The following WARS2 variants were observed in gnomAD, a reference collection of about 807,000 sequenced individuals.
WARS2 encodes the protein tryptophan--tRNA ligase, mitochondrial.
Under a neutral mutation model 36.5 loss-of-function variants are expected in WARS2, and 28 were observed. That is an observed-to-expected ratio of 0.77 (90% CI 0.57 to 1.05). The LOEUF is 1.05. Ranked by LOEUF, WARS2 falls within the 50% of genes least tolerant of loss-of-function variation. The pLI is 0.00. For missense variants in WARS2, 435 were observed against 456.8 expected, an observed-to-expected ratio of 0.95 and a Z score of 0.44; for synonymous variants, 174 against 178.4, an observed-to-expected ratio of 0.98 and a Z score of 0.20.
chr1:119,049,272 C>T (rs1341548387), intron 2 of WARS2, among the ~76,000 whole-genome samples: 1 of 152,052 alleles, frequency 6.6e-6, no homozygotes, highest in East Asian at 1.9e-4. Context: ...CACCAAGCGG[C>T]CCAACTCCAG....
rs185290211 is a variant in WARS2, at chr1:119,103,834, G to A, written c.91-27227C>T. On this transcript the variant is annotated intron_variant, in intron 1 of 5. Transcript: ENST00000235521. The stretch of plus-strand genomic sequence containing the variant: ...TTAGGGCACATTTTTAAACAACATT[G>A]GGATCATATGTTACTCTGCACTTTA... 2.3e-3 allele frequency among the ~76,000 whole-genome samples: 346 copies of A among 151,068 alleles called. 1 individual carries two copies. Among genetic ancestry groups the A allele is most frequent in the African/African-American group, 7.8e-3 (321 of 41,246 alleles).
At chr1:119,119,070 A>T (rs1271146307) in intron 1 of WARS2, among the ~76,000 whole-genome samples, 5 of 152,302 alleles carry the variant, frequency 3.3e-5, no homozygotes, top group South Asian at 2.1e-4. Context: ...ACAGTACCTC[A>T]CATCTCAATA....
chr1:119,137,121 A>G (rs1656562196), intron 1 of WARS2, among the ~76,000 whole-genome samples: 1 of 152,212 alleles, frequency 6.6e-6, no homozygotes, highest in African/African-American at 2.4e-5. Flanking sequence ...AAAACTAGTG[A>G]AATTTGAACT....
At chr1:119,081,367 CT>C (rs1407967998) in intron 1 of WARS2, among the ~76,000 whole-genome samples, 3 of 152,214 alleles carry the variant, frequency 2.0e-5, no homozygotes, top group Non-Finnish European at 4.4e-5. Context: ...CTTTGAAACA[CT>C]TTCAGCTTCA....
chr1:119,085,817 C>T, intron 1 of WARS2: 9 of 1,610,042 alleles, frequency 5.6e-6, no homozygotes, highest in South Asian at 1.1e-5. Context: ...CTTCAGTCAG[C>T]TCATAAGGAA....
At chr1:119,140,437 C>G in intron 1 of WARS2, 118 bp downstream of exon 1, 2 of 874,452 alleles carry the variant, frequency 2.3e-6, no homozygotes, top group Non-Finnish European at 3.5e-6. Context: ...AGACCTTAGG[C>G]GAGGGAAGGC....
chr1:119,120,688 C>T (rs1175164316), intron 1 of WARS2, among the ~76,000 whole-genome samples: 1 of 152,000 alleles, frequency 6.6e-6, no homozygotes, highest in Non-Finnish European at 1.5e-5. Flanking sequence ...AAAAGATAAT[C>T]GACCATGATC....
intron 2 of WARS2, among the ~76,000 whole-genome samples, chr1:119,065,460 C>T (rs992457990): frequency 3.0e-4 from 45 of 151,630 alleles, no homozygotes; most frequent in Middle Eastern, 3.4e-3. Flanking sequence ...GACGAAACCC[C>T]GTCTCTACTA....
At position 119,032,849 on chromosome 1, in the gene WARS2, G is replaced by T. The variant is rs1647539033; in HGVS notation, c.*62C>A. The T allele has an allele frequency of 2.1e-6, 3 of 1,456,532 alleles. No individual in the cohort carries two copies. Among genetic ancestry groups the T allele is most frequent in the Non-Finnish European group, 2.8e-6 (3 of 1,073,614 alleles). 90.2% of individuals were successfully genotyped at this position (1,456,532 alleles called of 1,614,324 possible). A position where few individuals can be genotyped will look rare whatever the true frequency, so the allele number is the denominator to read the frequency against. ...ATAACTTTTTCTTTTTAGGAAAGCT[G>T]CCGTTATCAGAATGCATGGAGTGCA... On this transcript the variant is annotated 3_prime_UTR_variant, in exon 6 of 6. Coordinates refer to ENST00000235521, the MANE Select transcript of WARS2 (RefSeq NM_015836.4).
intron 2 of WARS2, among the ~76,000 whole-genome samples, chr1:119,055,924 T>G (rs879353286): frequency 6.6e-6 from 1 of 152,012 alleles, no homozygotes; most frequent in Non-Finnish European, 1.5e-5. Flanking sequence ...AAATTATTAG[T>G]TTACGGAATA....
rs150463397 is a variant in WARS2 at position 119,042,157 on chromosome 1, G to A, written c.515+107C>T. 1.6e-3 allele frequency: 1,493 copies of A among 943,226 alleles called. 1 individual carries two copies. The highest frequency in any genetic ancestry group is 2.2e-3 in the Non-Finnish European group (1,312 of 602,638). The allele number at this position is 943,226 out of a possible 1,614,324, so 58.4% of individuals were successfully genotyped here. ...ATATAAACTGATTCAGATGTCTGACGCTTTCTGCACTTCCCCTTGCCCATG... is the reference window on the plus strand; with the variant it reads ...ATATAAACTGATTCAGATGTCTGACACTTTCTGCACTTCCCCTTGCCCATG... On this transcript the variant is annotated intron_variant, in intron 4 of 5. Coordinates refer to ENST00000235521, the MANE Select transcript of WARS2 (RefSeq NM_015836.4).
chr1:119,038,703 TAG>T (rs745924216), intron 4 of WARS2, among the ~76,000 whole-genome samples: 1 of 152,144 alleles, frequency 6.6e-6, no homozygotes, highest in Non-Finnish European at 1.5e-5. Flanking sequence ...TTTTTTGAGA[TAG>T]AGTCTCACTC....
At chr1:119,061,554 C>T (rs548653471) in intron 2 of WARS2, among the ~76,000 whole-genome samples, 30 of 152,208 alleles carry the variant, frequency 2.0e-4, no homozygotes, top group Non-Finnish European at 3.1e-4. Flanking sequence ...GGAACATAGT[C>T]TCATGAAACT....
chr1:119,125,488 T>C (rs768202504), intron 1 of WARS2, among the ~76,000 whole-genome samples: 29 of 152,236 alleles, frequency 1.9e-4, no homozygotes, highest in Non-Finnish European at 3.4e-4. Context: ...ATATCTACCA[T>C]ATAATAAGTA....
At chr1:119,044,218 T>C (rs1648607630) in intron 3 of WARS2, among the ~76,000 whole-genome samples, 1 of 152,224 alleles carries the variant, frequency 6.6e-6, no homozygotes, top group Non-Finnish European at 1.5e-5. Flanking sequence ...TTGAAATTCA[T>C]GTATTTCCTA....
At chr1:119,066,021 G>A (rs907774679) in intron 2 of WARS2, among the ~76,000 whole-genome samples, 3 of 151,682 alleles carry the variant, frequency 2.0e-5, no homozygotes, top group Admixed American at 6.6e-5. Flanking sequence ...ACATTCAAGA[G>A]ATAATATAAA....
In WARS2 at chr1:119,045,608, G is replaced by C; in HGVS notation, c.403C>G (p.Arg135Gly). Residue 135 changes from arginine (R) to glycine (G), a missense_variant, in exon 3 of 6, where the codon CGA becomes GGA. Arg to Gly is a moderately radical substitution (Grantham distance 125). Coordinates refer to ENST00000235521, the MANE Select transcript of WARS2 (RefSeq NM_015836.4). ...TTCCACTGATGTAAATGTTGTAATC[G>C]AGGTAGTCTGACCATGCAGGAAAGG... ...WILSCMVRLPRLQHLHQWKAK... is the reference protein window; with the variant it reads ...WILSCMVRLPGLQHLHQWKAK... 6.3e-7 allele frequency: 1 copy of C among 1,594,886 alleles called. No individual in the cohort carries two copies. Among genetic ancestry groups the C allele is most frequent in the Non-Finnish European group, 8.6e-7 (1 of 1,167,524 alleles).
intron 1 of WARS2, among the ~76,000 whole-genome samples, chr1:119,137,640 A>G (rs587714864): frequency 4.0e-4 from 61 of 152,314 alleles, no homozygotes; most frequent in African/African-American, 1.5e-3. Context: ...ACCTAATACC[A>G]TCAACATTTA....
At chr1:119,055,504 T>C (rs1012488736) in intron 2 of WARS2, among the ~76,000 whole-genome samples, 1 of 152,062 alleles carries the variant, frequency 6.6e-6, no homozygotes, top group African/African-American at 2.4e-5. Flanking sequence ...TAGCTGGACA[T>C]GATGGTGCGC....
Sources: allele counts gnomAD v4.1 joint callset (sites outside exome capture counted in the v4.1 genomes callset), GRCh38; gene constraint gnomAD v4.1.1; transcripts MANE v1.5; gene names NCBI Gene and HGNC (gene_info 2026-07-23, HGNC 2026-07-21).